Variants in KIF16B observed in about 807,000 individuals in gnomAD.
KIF16B encodes the protein kinesin family member 16B.
Under a neutral mutation model 156.3 loss-of-function variants are expected in KIF16B, and 98 were observed. The ratio of observed to expected loss-of-function variants is 0.63; its 90% confidence interval spans 0.53 to 0.74. The LOEUF is 0.74. Among genes scored for constraint, KIF16B ranks in the 30% least tolerant of loss-of-function variants. The probability of loss-of-function intolerance (pLI) is 0.00; values close to 1 mark genes in which losing one functional copy is unlikely to be tolerated. For missense variants in KIF16B, 1,421 were observed against 1,606.5 expected, an observed-to-expected ratio of 0.88 and a Z score of 1.97; for synonymous variants, 564 against 583.7, an observed-to-expected ratio of 0.97 and a Z score of 0.49.
At chr20:16,363,705 C>A (rs75850318) in intron 22 of KIF16B, among the ~76,000 whole-genome samples, 3 of 152,150 alleles carry the variant, frequency 2.0e-5, no homozygotes, top group African/African-American at 7.2e-5. Flanking sequence ...TGAATAGGTC[C>A]CAAAATGATA....
At chr20:16,338,412 T>G (rs2064080244) in intron 23 of KIF16B, among the ~76,000 whole-genome samples, 1 of 152,138 alleles carries the variant, frequency 6.6e-6, no homozygotes, top group Admixed American at 6.6e-5. Flanking sequence ...CTTCCCCAAT[T>G]CCTTGAAGGT....
chr20:16,403,047 G>A (rs1321645800), intron 17 of KIF16B, among the ~76,000 whole-genome samples: 1 of 152,142 alleles, frequency 6.6e-6, no homozygotes, highest in Non-Finnish European at 1.5e-5. Context: ...TGAAGATAGC[G>A]TTTTGGTTTT....
At position 16,351,357 on chromosome 20, in the gene KIF16B, T is replaced by C. The variant is rs539242512; in HGVS notation, c.3621+4973A>G. ...CCCAGGCCCGTGTTTTGTGCTATGC[T>C]GAAATGTGATTTCAAAATTAAATTT... is the stretch of plus-strand genomic sequence containing the variant. On this transcript the variant is annotated intron_variant, in intron 23 of 25. Coordinates refer to ENST00000354981, the MANE Select transcript of KIF16B (RefSeq NM_024704.5). Among the ~76,000 whole-genome samples the C allele has an allele frequency of 7.9e-5, 12 of 152,314 alleles. No homozygotes were observed. In the South Asian group the frequency reaches 2.3e-3, roughly 29 times the overall value.
chr20:16,311,462 T>C (rs931703299), intron 25 of KIF16B, among the ~76,000 whole-genome samples: 12 of 152,214 alleles, frequency 7.9e-5, no homozygotes, highest in African/African-American at 2.9e-4. Flanking sequence ...AACTCCAGCC[T>C]GGGCAACAGA....
intron 3 of KIF16B, among the ~76,000 whole-genome samples, chr20:16,522,236 T>C (rs2069378868): frequency 6.6e-6 from 1 of 151,814 alleles, no homozygotes; most frequent in South Asian, 2.1e-4. Flanking sequence ...GCAAATTAGA[T>C]AGAGTCAAGA....
At chr20:16,410,645 T>G (rs2065930226) in intron 15 of KIF16B, among the ~76,000 whole-genome samples, 1 of 152,076 alleles carries the variant, frequency 6.6e-6, no homozygotes, top group Non-Finnish European at 1.5e-5. Context: ...AAGGTGCCAC[T>G]ATCTGAGCCA....
At chr20:16,305,873 T>C (rs960228667) in intron 25 of KIF16B, among the ~76,000 whole-genome samples, 5 of 152,234 alleles carry the variant, frequency 3.3e-5, no homozygotes, top group East Asian at 3.9e-4. Context: ...TAATATTCCA[T>C]TGTGTATATA....
At chr20:16,363,486 G>A (rs527436296) in intron 22 of KIF16B, among the ~76,000 whole-genome samples, 9 of 152,202 alleles carry the variant, frequency 5.9e-5, no homozygotes, top group Admixed American at 2.0e-4. Flanking sequence ...ATTAATTGCC[G>A]GTCCTAATTC....
At chr20:16,545,351 C>T (rs1450911535) in intron 1 of KIF16B, among the ~76,000 whole-genome samples, 1 of 149,766 alleles carries the variant, frequency 6.7e-6, no homozygotes, top group African/African-American at 2.5e-5. Flanking sequence ...GCCAACATGG[C>T]GACACCTCAT....
intron 6 of KIF16B, among the ~76,000 whole-genome samples, chr20:16,508,622 A>G (rs1351611438): frequency 6.6e-6 from 1 of 152,184 alleles, no homozygotes; most frequent in Non-Finnish European, 1.5e-5. Flanking sequence ...GACAGGAGGC[A>G]GAGCTCAGAT....
At chr20:16,408,773 C>A (rs1177684234) in intron 15 of KIF16B, among the ~76,000 whole-genome samples, 1 of 152,092 alleles carries the variant, frequency 6.6e-6, no homozygotes, top group Non-Finnish European at 1.5e-5. Context: ...GTGCTTCCAT[C>A]TAGATAATGT....
chr20:16,465,349 A>T (rs1291907231), intron 12 of KIF16B, among the ~76,000 whole-genome samples: 1 of 152,240 alleles, frequency 6.6e-6, no homozygotes, highest in African/African-American at 2.4e-5. Flanking sequence ...AATGCAGTTT[A>T]GGTACATACC....
intron 15 of KIF16B, among the ~76,000 whole-genome samples, chr20:16,414,749 G>A (rs914410782): frequency 6.6e-6 from 1 of 151,992 alleles, no homozygotes; most frequent in African/African-American, 2.4e-5. Context: ...GAGAGGGGGT[G>A]GTAAGTGGGA....
intron 12 of KIF16B, among the ~76,000 whole-genome samples, chr20:16,461,048 A>T (rs2067333503): frequency 2.0e-5 from 3 of 152,084 alleles, no homozygotes; most frequent in Non-Finnish European, 4.4e-5. Flanking sequence ...TCATTGTTAT[A>T]TAAAAAGCCT....
At chr20:16,558,050 G>A (rs2070918130) in intron 1 of KIF16B, among the ~76,000 whole-genome samples, 1 of 152,082 alleles carries the variant, frequency 6.6e-6, no homozygotes, top group South Asian at 2.1e-4. Flanking sequence ...AGCAATAGGG[G>A]GCACTATTTT....
chr20:16,457,605 C>T (rs1448286986), intron 12 of KIF16B, among the ~76,000 whole-genome samples: 1 of 152,154 alleles, frequency 6.6e-6, no homozygotes, highest in Non-Finnish European at 1.5e-5. Flanking sequence ...CCATCATCAA[C>T]AGCTGAGTAT....
Position 16,380,033 on chromosome 20 carries a change from T to C in KIF16B, c.1969A>G (p.Ser657Gly), listed in dbSNP as rs2065055590. Residue 657 changes from serine to glycine, a missense_variant, in exon 19 of 26, where the codon AGC (serine) becomes GGC (glycine). Transcript: ENST00000354981. The stretch of plus-strand genomic sequence containing the variant: ...ATGTGGAAGCTGCGGCGTTTGAGGC[T>C]CTCCTCCTGCTTGCGAATCTGGAGC... The part of the protein sequence containing the change: ...VQLQIRKQEE[S>G]LKRRSFHIEN... The C allele has an allele frequency of 1.9e-6, 3 of 1,587,854 alleles. No individual in the cohort carries two copies. The highest frequency in any genetic ancestry group is 3.7e-5 in the Admixed American group (2 of 54,634).
intron 16 of KIF16B, among the ~76,000 whole-genome samples, chr20:16,405,121 C>T (rs1414234383): frequency 6.6e-6 from 1 of 152,146 alleles, no homozygotes; most frequent in Non-Finnish European, 1.5e-5. Flanking sequence ...AGGACCTTGG[C>T]CTTCTAGGGC....
At chr20:16,573,189 G>T (rs1238057209) in intron 1 of KIF16B, 40 bp downstream of exon 1, 2 of 1,533,882 alleles carry the variant, frequency 1.3e-6, no homozygotes, top group East Asian at 2.4e-5. Flanking sequence ...CTCTGGGTGG[G>T]GGCGCGACGA....
Sources: allele counts gnomAD v4.1 joint callset (sites outside exome capture counted in the v4.1 genomes callset), GRCh38; gene constraint gnomAD v4.1.1; transcripts MANE v1.5; gene names NCBI Gene and HGNC (gene_info 2026-07-23, HGNC 2026-07-21).